The following ST6GALNAC3 variants were observed in gnomAD, a reference collection of about 807,000 sequenced individuals.
ST6GALNAC3 encodes the protein ST6 N-acetylgalactosaminide alpha-2,6-sialyltransferase 3, also known as alpha-N-acetylgalactosaminide alpha-2,6-sialyltransferase 3.
ST6GALNAC3 carries 25 observed loss-of-function variants against 32.7 expected under a neutral mutation model. That is an observed-to-expected ratio of 0.76 (90% CI 0.56 to 1.07). The LOEUF (loss-of-function observed/expected upper bound fraction) is 1.07, where lower values mean the gene tolerates loss of function less well. Ranked by LOEUF, ST6GALNAC3 falls within the 50% of genes least tolerant of loss-of-function variation. The pLI is 0.00. For synonymous variants in ST6GALNAC3, 129 were observed against 133.1 expected (o/e 0.97, Z 0.21); for missense variants, 355 against 382.4 (o/e 0.93, Z 0.60).
intron 3 of ST6GALNAC3, among the ~76,000 whole-genome samples, chr1:76,542,847 T>C (rs2100299650): frequency 6.6e-6 from 1 of 152,292 alleles, no homozygotes; most frequent in South Asian, 2.1e-4. Flanking sequence ...AATTAGAAGA[T>C]TGCAGTTACA....
At chr1:76,578,403 T>A (rs145273240) in intron 3 of ST6GALNAC3, among the ~76,000 whole-genome samples, 89 of 152,208 alleles carry the variant, frequency 5.8e-4, no homozygotes, top group Middle Eastern at 6.8e-3. Context: ...GGTTTTTGTT[T>A]GTTGGCTTGT....
At chr1:76,179,496 G>C (rs1397108922) in intron 1 of ST6GALNAC3, among the ~76,000 whole-genome samples, 1 of 152,108 alleles carries the variant, frequency 6.6e-6, no homozygotes, top group Non-Finnish European at 1.5e-5. Flanking sequence ...CTACTAATTT[G>C]TCTACCAGTT....
intron 3 of ST6GALNAC3, among the ~76,000 whole-genome samples, chr1:76,431,139 C>T (rs7526631): frequency 0.042 from 6,423 of 152,142 alleles, 491 homozygotes; most frequent in African/African-American, 0.15. Context: ...TTTAGAAGGG[C>T]CCTTAACTTT....
Position 76,526,859 on chromosome 1 carries a change from G to A in ST6GALNAC3, c.624-100593G>A, listed in dbSNP as rs752088988. On this transcript the variant is annotated intron_variant, in intron 3 of 4. Coordinates refer to ENST00000328299, the MANE Select transcript of ST6GALNAC3 (RefSeq NM_152996.4). ...TTAAACTGTATTGTTTATGATGTTC[G>A]GTCTTTAATAGACATGATAACAAAA... 4.0e-5 allele frequency among the ~76,000 whole-genome samples: 6 copies of A among 151,752 alleles called. No individual in the cohort carries two copies. The East Asian group carries it at 7.7e-4, about 20-fold the overall frequency.
At chr1:76,464,577 G>A (rs930568596) in intron 3 of ST6GALNAC3, among the ~76,000 whole-genome samples, 11 of 152,146 alleles carry the variant, frequency 7.2e-5, no homozygotes, top group African/African-American at 2.7e-4. Context: ...TTTAAGTGTT[G>A]CCATCTGTTC....
chr1:76,183,363 T>A (rs950997187), intron 1 of ST6GALNAC3, among the ~76,000 whole-genome samples: 1 of 152,192 alleles, frequency 6.6e-6, no homozygotes, highest in Admixed American at 6.5e-5. Flanking sequence ...TTGATTTGTA[T>A]ACTAAATTTC....
At chr1:76,589,895 T>C (rs1278448731) in intron 3 of ST6GALNAC3, among the ~76,000 whole-genome samples, 1 of 151,980 alleles carries the variant, frequency 6.6e-6, no homozygotes, top group African/African-American at 2.4e-5. Context: ...GGATCAACAA[T>C]CGTCCTTACA....
chr1:76,144,727 G>A (rs924976203), intron 1 of ST6GALNAC3, among the ~76,000 whole-genome samples: 20 of 152,148 alleles, frequency 1.3e-4, no homozygotes, highest in Admixed American at 2.6e-4. Context: ...TATAGTTCCT[G>A]GTATCTTCTT....
intron 1 of ST6GALNAC3, among the ~76,000 whole-genome samples, chr1:76,230,197 C>T (rs1018694663): frequency 2.0e-5 from 3 of 152,164 alleles, no homozygotes; most frequent in Non-Finnish European, 4.4e-5. Context: ...GTGACTTCTT[C>T]CCAAACCTTA....
intron 3 of ST6GALNAC3, among the ~76,000 whole-genome samples, chr1:76,487,643 G>A (rs1280438163): frequency 6.6e-6 from 1 of 152,068 alleles, no homozygotes; most frequent in Non-Finnish European, 1.5e-5. Context: ...TTTTTTCAAG[G>A]TTTTTAGCTT....
At chr1:76,531,386 G>A (rs315081) in intron 3 of ST6GALNAC3, among the ~76,000 whole-genome samples, 25,694 of 152,112 alleles carry the variant, frequency 0.17, 2,729 homozygotes, top group African/African-American at 0.3. Flanking sequence ...TAAACATCAC[G>A]GGAACTACAC....
chr1:76,291,464 T>C (rs111374838), intron 1 of ST6GALNAC3, among the ~76,000 whole-genome samples: 2,150 of 152,300 alleles, frequency 0.014, 19 homozygotes, highest in Middle Eastern at 0.027. Flanking sequence ...CAGGACCCAA[T>C]TAGCAGATTG....
chr1:76,354,857 G>A (rs775857032), intron 2 of ST6GALNAC3, among the ~76,000 whole-genome samples: 8 of 152,052 alleles, frequency 5.3e-5, no homozygotes, highest in South Asian at 2.1e-4. Flanking sequence ...TTCTATTATG[G>A]TCACTTAAAA....
At chr1:76,342,597 G>T (rs1648141938) in intron 2 of ST6GALNAC3, among the ~76,000 whole-genome samples, 1 of 151,620 alleles carries the variant, frequency 6.6e-6, no homozygotes, top group African/African-American at 2.4e-5. Context: ...GTAGATTCTG[G>T]ATATTAGCCC....
At chr1:76,358,987 A>G (rs1278704191) in intron 2 of ST6GALNAC3, among the ~76,000 whole-genome samples, 1 of 152,192 alleles carries the variant, frequency 6.6e-6, no homozygotes, top group Non-Finnish European at 1.5e-5. Flanking sequence ...TAGAGTCTGT[A>G]CTGGCATCAG....
chr1:76,573,757 A>T (rs923146702), intron 3 of ST6GALNAC3, among the ~76,000 whole-genome samples: 2 of 151,886 alleles, frequency 1.3e-5, no homozygotes. Context: ...CACATTTGTG[A>T]GTTTTTTATG....
Position 76,630,536 on chromosome 1 carries a change from C to T in ST6GALNAC3, c.*1730C>T, listed in dbSNP as rs1420368878. 1.0e-6 allele frequency: 1 copy of T among 985,092 alleles called. No homozygotes were observed. The highest frequency in any genetic ancestry group is 1.2e-6 in the Non-Finnish European group (1 of 829,820). 61.0% of individuals were successfully genotyped at this position (985,092 alleles called of 1,614,324 possible). On this transcript the variant is annotated 3_prime_UTR_variant, in exon 5 of 5. Transcript: ENST00000328299. Reference sequence around the variant, plus strand: ...CATCCTTGCAGAATGATTCAAAAGACAAAAGCCAGGCTCAACTTATAGAAT... The same window carrying T: ...CATCCTTGCAGAATGATTCAAAAGATAAAAGCCAGGCTCAACTTATAGAAT...
intron 3 of ST6GALNAC3, among the ~76,000 whole-genome samples, chr1:76,496,873 C>T (rs75325512): frequency 6.6e-6 from 1 of 152,126 alleles, no homozygotes; most frequent in Non-Finnish European, 1.5e-5. Context: ...ATGTCTGCAT[C>T]CTGAAGTCAC....
intron 2 of ST6GALNAC3, among the ~76,000 whole-genome samples, chr1:76,411,126 G>A (rs1283008765): frequency 6.6e-6 from 1 of 152,130 alleles, no homozygotes; most frequent in African/African-American, 2.4e-5. Flanking sequence ...TGGGAGAGAA[G>A]CAGCAAAAGC....
Sources: allele counts gnomAD v4.1 joint callset (sites outside exome capture counted in the v4.1 genomes callset), GRCh38; gene constraint gnomAD v4.1.1; transcripts MANE v1.5; gene names NCBI Gene and HGNC (gene_info 2026-07-23, HGNC 2026-07-21).